The following GOLGA8A variants were observed in gnomAD, a reference collection of about 807,000 sequenced individuals.
The protein encoded by GOLGA8A is golgin A8 family member A.
In GOLGA8A, 3 loss-of-function variants were observed where a neutral mutation model predicts 22.1. The ratio of observed to expected loss-of-function variants is 0.14; its 90% CI spans 0.06 to 0.35. The LOEUF (loss-of-function observed/expected upper bound fraction) is 0.35. Among genes scored for constraint, GOLGA8A ranks in the 10% least tolerant of loss-of-function variants. GOLGA8A has a pLI of 1.00. For missense variants in GOLGA8A, 16 were observed against 233.2 expected (o/e 0.07, Z 6.07); for synonymous variants, 7 against 91.7 (o/e 0.08, Z 5.28).
chr15:34,426,530 A>G (rs140988185), intron 2 of GOLGA8A, among the ~76,000 whole-genome samples: 24 of 146,880 alleles, frequency 1.6e-4, no homozygotes, highest in African/African-American at 5.2e-4. Context: ...GCATTTCTGT[A>G]AAGTTCTAAT....
rs565488165 is a variant in GOLGA8A, at chr15:34,426,215, T to C, written c.-1123+9168A>G. On this transcript the variant is annotated intron_variant, in intron 2 of 24. Coordinates refer to ENST00000359187, the MANE Select transcript of GOLGA8A (RefSeq NM_181077.5). Reference sequence around the variant, plus strand: ...CGGAACAACCCAAAAGTTCAATAAATAAACAGTCACATATTATGCAAGCGT... The same window carrying C: ...CGGAACAACCCAAAAGTTCAATAAACAAACAGTCACATATTATGCAAGCGT... Among the ~76,000 whole-genome samples, 129 of 149,680 alleles carry C rather than the reference T, an allele frequency of 8.6e-4. 19 individuals are homozygous for C. The South Asian group carries it at 0.027, about 32-fold the overall frequency.
intron 2 of GOLGA8A, among the ~76,000 whole-genome samples, chr15:34,426,310 C>T (rs142807413): frequency 1.3e-5 from 2 of 149,590 alleles, no homozygotes; most frequent in Admixed American, 6.7e-5. Flanking sequence ...GCGGATCGAA[C>T]TGCAAATCTT....
At chr15:34,430,564 C>T (rs79803783) in intron 2 of GOLGA8A, among the ~76,000 whole-genome samples, 14,015 of 149,014 alleles carry the variant, frequency 0.094, 1,744 homozygotes, top group South Asian at 0.25. Flanking sequence ...AATCGGCCCA[C>T]TCATCACTCA....
At chr15:34,383,707 G>GT in intron 18 of GOLGA8A, 39 bp downstream of exon 18, 2 of 133,662 alleles carry the variant, frequency 1.5e-5, no homozygotes, top group South Asian at 4.4e-5. Flanking sequence ...TTGTTGGTGG[G>GT]GGGGGGGTGG....
intron 2 of GOLGA8A, among the ~76,000 whole-genome samples, chr15:34,429,125 C>T (rs941798342): frequency 1.4e-5 from 2 of 146,572 alleles, no homozygotes; most frequent in Non-Finnish European, 3.0e-5. Flanking sequence ...CCTCCCCACA[C>T]CCTCCTCTCG....
chr15:34,425,456 G>A (rs1472993798), intron 2 of GOLGA8A, among the ~76,000 whole-genome samples: 10 of 145,360 alleles, frequency 6.9e-5, no homozygotes, highest in Non-Finnish European at 1.4e-4. Context: ...AAGAAGAGAT[G>A]TAAATGTAAA....
At position 34,434,296 on chromosome 15, in the gene GOLGA8A, G is replaced by A. The variant is rs565458040; in HGVS notation, c.-1123+1087C>T. Among the ~76,000 whole-genome samples, 107 of 149,710 alleles carry A rather than the reference G, an allele frequency of 7.1e-4. 6 individuals are homozygous for A. The highest frequency in any genetic ancestry group is 1.2e-3 in the Non-Finnish European group (80 of 67,218). On this transcript the variant is annotated intron_variant, in intron 2 of 24. Transcript: ENST00000359187. ...GGCAATGGTGACACACCTGGCCTGG[G>A]CCAACTTGCAGACTCAGGGGTACCC... is the stretch of plus-strand genomic sequence containing the variant.
At chr15:34,432,793 TA>T (rs1893315540) in intron 2 of GOLGA8A, among the ~76,000 whole-genome samples, 1 of 148,894 alleles carries the variant, frequency 6.7e-6, no homozygotes, top group Non-Finnish European at 1.5e-5. Flanking sequence ...AACAGCCCTT[TA>T]GAGTTTAGAG....
chr15:34,399,105 C>T (rs1444517587), intron 7 of GOLGA8A, 50 bp downstream of exon 7: 2 of 142,698 alleles, frequency 1.4e-5, no homozygotes, highest in Admixed American at 7.1e-5. Context: ...CTTACGTAAT[C>T]GAAACACTCT....
chr15:34,381,054 G>A lies in GOLGA8A; in HGVS notation c.*357C>T, dbSNP rs1059869. On this transcript the variant is annotated 3_prime_UTR_variant, in exon 25 of 25. Coordinates refer to ENST00000359187, the MANE Select transcript of GOLGA8A (RefSeq NM_181077.5). ...GGACATCCATGCTGCAATAACATTA[G>A]AAAAGCACGGGAGCCTATTCCAAAC... 68,041 of 368,390 alleles carry A rather than the reference G, an allele frequency of 0.18. 6,634 individuals carry two copies. The highest frequency in any genetic ancestry group is 0.2 in the Non-Finnish European group (39,436 of 193,258). 22.8% of individuals were successfully genotyped at this position (368,390 alleles called of 1,614,324 possible). A position where few individuals can be genotyped will look rare whatever the true frequency, so the allele number is the denominator to read the frequency against.
In GOLGA8A at chr15:34,434,343, T is replaced by C. The variant is rs544160200; in HGVS notation, c.-1123+1040A>G. 6.7e-5 allele frequency among the ~76,000 whole-genome samples: 10 copies of C among 149,336 alleles called. 1 individual carries two copies. The South Asian group carries it at 2.1e-3, about 32-fold the overall frequency. Reference sequence around the variant, plus strand: ...ACCCCACAGCCCAACCTGGGAAACCTCACAGCCGGCACAGAAATCATAAAG... The same window carrying C: ...ACCCCACAGCCCAACCTGGGAAACCCCACAGCCGGCACAGAAATCATAAAG... On this transcript the variant is annotated intron_variant, in intron 2 of 24. Transcript: ENST00000359187.
At chr15:34,424,512 A>G (rs1211842847) in intron 2 of GOLGA8A, among the ~76,000 whole-genome samples, 2 of 146,858 alleles carry the variant, frequency 1.4e-5, no homozygotes, top group Admixed American at 7.0e-5. Flanking sequence ...CCACAAATTT[A>G]AAAGGCAACA....
chr15:34,433,287 G>A (rs867054757), intron 2 of GOLGA8A, among the ~76,000 whole-genome samples: 1 of 149,214 alleles, frequency 6.7e-6, no homozygotes. Flanking sequence ...TCCAGATGGA[G>A]CGGGAAGGGA....
Position 34,437,413 on chromosome 15 carries a change from GGCTGCCCCGGTCCGCC to G in GOLGA8A, c.-1243_-1228del, listed in dbSNP as rs1483042749. 2 of 141,464 alleles carry G rather than the reference GGCTGCCCCGGTCCGCC, an allele frequency of 1.4e-5. No individual in the cohort carries two copies. The highest frequency in any genetic ancestry group is 3.1e-5 in the Non-Finnish European group (2 of 63,922). 8.8% of individuals were successfully genotyped at this position (141,464 alleles called of 1,614,324 possible). A position where few individuals can be genotyped will look rare whatever the true frequency, so the allele number is the denominator to read the frequency against. On this transcript the variant is annotated 5_prime_UTR_variant, in exon 1 of 25. Transcript: ENST00000359187. ...CCCAGCTTACCTGGCCAGGGCGCGG[GGCTGCCCCGGTCCGCC>G]GCCGTCCTCGCCGCGCCGCCGTCCT... is the stretch of plus-strand genomic sequence containing the variant.
At chr15:34,431,341 A>ATC (rs1566914029) in intron 2 of GOLGA8A, among the ~76,000 whole-genome samples, 2 of 103,086 alleles carry the variant, frequency 1.9e-5, no homozygotes, top group Non-Finnish European at 4.0e-5. Flanking sequence ...ATATATATAT[A>ATC]TATATCTCAC....
At chr15:34,422,762 G>A (rs1452595018) in intron 2 of GOLGA8A, among the ~76,000 whole-genome samples, 3 of 107,312 alleles carry the variant, frequency 2.8e-5, no homozygotes, top group Non-Finnish European at 4.6e-5. Flanking sequence ...GATTCTGCAG[G>A]CATTCTACAG....
intron 2 of GOLGA8A, among the ~76,000 whole-genome samples, chr15:34,421,759 T>A (rs1219595853): frequency 7.8e-6 from 1 of 127,632 alleles, no homozygotes; most frequent in African/African-American, 2.9e-5. Context: ...ACTCAACTCA[T>A]GCCCAGCTAA....
At chr15:34,421,345 C>T (rs1383854526) in intron 2 of GOLGA8A, among the ~76,000 whole-genome samples, 1 of 142,688 alleles carries the variant, frequency 7.0e-6, no homozygotes, top group Non-Finnish European at 1.5e-5. Flanking sequence ...GAAATAAAAC[C>T]CATCCCATTA....
intron 2 of GOLGA8A, chr15:34,419,932 ATGGTGGCTGCCAGGGGC>A (rs1224970481): frequency 7.1e-6 from 1 of 140,618 alleles, no homozygotes; most frequent in African/African-American, 2.8e-5. Flanking sequence ...AGAAAGTAGA[ATGGTGGCTGCCAGGGGC>A]TGGGGGAGGC....
Sources: allele counts gnomAD v4.1 joint callset (sites outside exome capture counted in the v4.1 genomes callset), GRCh38; gene constraint gnomAD v4.1.1; transcripts MANE v1.5; gene names NCBI Gene and HGNC (gene_info 2026-07-23, HGNC 2026-07-21).